Variants in FBXO21 observed in about 807,000 individuals in gnomAD.
FBXO21 encodes F-box only protein 21.
A neutral mutation model predicts 76.6 loss-of-function variants in FBXO21; 32 were observed. That is an observed-to-expected ratio of 0.42 (90% CI 0.32 to 0.56). The LOEUF is 0.56. Ranked by LOEUF, FBXO21 falls within the 20% of genes least tolerant of loss-of-function variation. FBXO21 has a pLI of 0.16. For missense variants in FBXO21, 586 were observed against 797.3 expected, an observed-to-expected ratio of 0.73 and a Z score of 3.19; for synonymous variants, 328 against 311.5, an observed-to-expected ratio of 1.05 and a Z score of -0.56.
At chr12:117,182,564 CTTTTTTTTTTTTT>C (rs891529583) in intron 3 of FBXO21, among the ~76,000 whole-genome samples, 11 of 83,324 alleles carry the variant, frequency 1.3e-4, no homozygotes, top group African/African-American at 1.5e-4. Context: ...GCAAGAGGAT[CTTTTTTTTTTTTT>C]TTTTTTTTTT....
At chr12:117,161,937 T>C (rs1955982662) in intron 9 of FBXO21, among the ~76,000 whole-genome samples, 1 of 152,154 alleles carries the variant, frequency 6.6e-6, no homozygotes, top group Admixed American at 6.5e-5. Context: ...ATGTACTGCA[T>C]TTATCAACGA....
intron 11 of FBXO21, chr12:117,154,281 A>G (rs1405835090): frequency 2.6e-5 from 4 of 152,256 alleles, no homozygotes; most frequent in Non-Finnish European, 5.9e-5. Flanking sequence ...CATCCCCATC[A>G]CACTGAGACA....
intron 9 of FBXO21, 56 bp downstream of exon 9, chr12:117,165,429 C>A: frequency 6.5e-7 from 1 of 1,544,280 alleles, no homozygotes; most frequent in South Asian, 1.2e-5. Flanking sequence ...GGGCACCCTT[C>A]AATCTAGGAC....
At chr12:117,162,671 C>A (rs950351173) in intron 9 of FBXO21, among the ~76,000 whole-genome samples, 4 of 152,192 alleles carry the variant, frequency 2.6e-5, no homozygotes, top group African/African-American at 9.7e-5. Flanking sequence ...AACCTTCAGG[C>A]CTTCCCAGCT....
intron 9 of FBXO21, among the ~76,000 whole-genome samples, chr12:117,158,371 C>G (rs954052706): frequency 6.6e-6 from 1 of 152,110 alleles, no homozygotes; most frequent in African/African-American, 2.4e-5. Flanking sequence ...GCGCTGGGGA[C>G]GCAGGTGAGG....
At chr12:117,178,361 G>A (rs1049197323) in intron 3 of FBXO21, among the ~76,000 whole-genome samples, 1 of 152,070 alleles carries the variant, frequency 6.6e-6, no homozygotes, top group African/African-American at 2.4e-5. Context: ...TTCCTGTGTT[G>A]CAGCAACATC....
intron 10 of FBXO21, 35 bp from the exon 11 acceptor site, chr12:117,155,983 G>A: frequency 6.2e-7 from 1 of 1,602,702 alleles, no homozygotes; most frequent in Non-Finnish European, 8.5e-7. Flanking sequence ...AGTCCCTGCA[G>A]ACCCGGCCGC....
chr12:117,167,877 C>G (rs568317562), intron 7 of FBXO21, among the ~76,000 whole-genome samples: 41 of 152,224 alleles, frequency 2.7e-4, no homozygotes, highest in South Asian at 2.1e-4. Context: ...TGCTAGAGCA[C>G]AGAGAGCTGT....
At chr12:117,152,093 C>T (rs1955849542) in intron 11 of FBXO21, among the ~76,000 whole-genome samples, 2 of 151,956 alleles carry the variant, frequency 1.3e-5, no homozygotes, top group Non-Finnish European at 2.9e-5. Context: ...CCGATCTAAT[C>T]AGGACTCAGA....
chr12:117,148,688 C>G (rs1266193990), intron 11 of FBXO21, among the ~76,000 whole-genome samples: 1 of 152,214 alleles, frequency 6.6e-6, no homozygotes, highest in Non-Finnish European at 1.5e-5. Flanking sequence ...TAACCCCGGA[C>G]TCAAACCAGA....
At chr12:117,184,720 T>C (rs950278403) in intron 3 of FBXO21, among the ~76,000 whole-genome samples, 1 of 152,190 alleles carries the variant, frequency 6.6e-6, no homozygotes, top group Non-Finnish European at 1.5e-5. Context: ...CACTCCAGCC[T>C]GGGCTACAAG....
intron 11 of FBXO21, among the ~76,000 whole-genome samples, chr12:117,147,289 G>GGA: frequency 1.3e-5 from 1 of 79,332 alleles, no homozygotes; most frequent in South Asian, 4.2e-4. Flanking sequence ...CTGAAAAAAT[G>GGA]GAAAAAAAAA....
intron 9 of FBXO21, among the ~76,000 whole-genome samples, chr12:117,163,270 C>G (rs1335037751): frequency 6.6e-6 from 1 of 152,254 alleles, no homozygotes; most frequent in Non-Finnish European, 1.5e-5. Context: ...CGGTGGCTCA[C>G]GCCTGCAATC....
intron 3 of FBXO21, among the ~76,000 whole-genome samples, chr12:117,181,995 G>C (rs989343766): frequency 1.3e-5 from 2 of 151,898 alleles, no homozygotes; most frequent in African/African-American, 2.4e-5. Flanking sequence ...TTTATTGTAG[G>C]ACATACTCGT....
intron 9 of FBXO21, 92 bp from the exon 10 acceptor site, chr12:117,158,155 T>A (rs1955938765): frequency 6.8e-7 from 1 of 1,470,856 alleles, no homozygotes; most frequent in Non-Finnish European, 9.4e-7. Context: ...CTACGTAACC[T>A]AACAAAGCAA....
intron 10 of FBXO21, 25 bp downstream of exon 10, chr12:117,157,848 A>G: frequency 3.8e-6 from 6 of 1,572,198 alleles, no homozygotes; most frequent in Non-Finnish European, 5.2e-6. Context: ...CGGACACTGC[A>G]GGACAGATGA....
chr12:117,153,580 T>C (rs536538588), intron 11 of FBXO21, among the ~76,000 whole-genome samples: 2 of 152,076 alleles, frequency 1.3e-5, no homozygotes, highest in African/African-American at 4.8e-5. Context: ...GGGAAGGAGA[T>C]GAAGGCCTAG....
Position 117,153,397 on chromosome 12 carries a change from G to A in FBXO21, c.1675+2394C>T, listed in dbSNP as rs749319670. 1.8e-3 allele frequency among the ~76,000 whole-genome samples: 281 copies of A among 152,158 alleles called. 4 individuals carry two copies. Among genetic ancestry groups the A allele is most frequent in the Non-Finnish European group, 1.5e-3 (100 of 68,030 alleles). On this transcript the variant is annotated intron_variant, in intron 11 of 11. Transcript: ENST00000622495. The stretch of plus-strand genomic sequence containing the variant: ...TTTTTCTTTCTTTACAGAGATAATC[G>A]AGTTAAAACAATGGGTTCAGTGAGT...
intron 3 of FBXO21, among the ~76,000 whole-genome samples, chr12:117,183,053 A>C (rs573313900): frequency 6.6e-6 from 1 of 152,310 alleles, no homozygotes; most frequent in South Asian, 2.1e-4. Flanking sequence ...TGATTGCGTC[A>C]CAGCATTCCA....
Sources: gnomAD v4.1 joint callset for allele counts (sites outside exome capture counted in the v4.1 genomes callset) on GRCh38, gnomAD v4.1.1 for gene constraint, MANE v1.5 for transcripts, NCBI Gene and HGNC (gene_info 2026-07-23, HGNC 2026-07-21) for gene names.